The following FSIP2 variants were observed in gnomAD, a reference collection of about 807,000 sequenced individuals.
The protein encoded by FSIP2 is fibrous sheath interacting protein 2.
A neutral mutation model predicts 510.5 loss-of-function variants in FSIP2; 367 were observed. The observed-to-expected ratio is 0.72, with a 90% CI of 0.66 to 0.78. FSIP2 has a LOEUF of 0.78. Among genes scored for constraint, FSIP2 ranks in the 30% least tolerant of loss-of-function variants. The pLI, the probability that FSIP2 is intolerant of heterozygous loss-of-function variation, is 0.00. For synonymous variants in FSIP2, 2,601 were observed against 2,732.2 expected, an observed-to-expected ratio of 0.95 and a Z score of 1.50; for missense variants, 7,594 against 7,901.7, an observed-to-expected ratio of 0.96 and a Z score of 1.48.
rs765299511 is a variant in FSIP2, at chr2:185,800,773, T to C, written c.11467T>C (p.Leu3823=). The change falls in exon 17 of 23, where the codon TTG becomes CTG. Residue 3823 remains leucine (L), a synonymous_variant. Transcript: ENST00000424728. ...CLQVDYMSDL[L]ENVAEIDQDL... ...TCAAGTAGATTACATGTCAGACCTT[T>C]TGGAGAATGTGGCAGAAATTGATCA... The C allele has an allele frequency of 9.8e-6, 15 of 1,534,062 alleles. No homozygotes were observed. The highest frequency in any genetic ancestry group is 1.0e-5 in the Non-Finnish European group (12 of 1,145,600).
rs763232399 is a variant in FSIP2 at position 185,804,225 on chromosome 2, T to C, written c.14919T>C (p.Asn4973=). The change falls in exon 17 of 23, where the codon AAT becomes AAC. Residue 4973 remains asparagine (N), a synonymous_variant. Coordinates refer to ENST00000424728, the MANE Select transcript of FSIP2 (RefSeq NM_173651.4). ...CACATAACATGTTGGTTACTGAAAA[T>C]CCAGATAGAGTGAAACTGAAACTTA... ...AFSHNMLVTE[N]PDRVKLKLTR... is the part of the protein sequence containing the mutation. The C allele has an allele frequency of 6.6e-7, 1 of 1,524,380 alleles. No homozygotes were observed. The allele number at this position is 1,524,380 out of a possible 1,614,324, so 94.4% of individuals were successfully genotyped here.
intron 19 of FSIP2, among the ~76,000 whole-genome samples, chr2:185,818,639 A>G (rs552073928): frequency 6.6e-6 from 1 of 151,964 alleles, no homozygotes; most frequent in East Asian, 1.9e-4. Context: ...GTAACCTTAC[A>G]AGCCAAGAGG....
rs1254829641 is a variant in FSIP2, at chr2:185,789,762, G to A, written c.2626G>A (p.Glu876Lys). The A allele has an allele frequency of 6.5e-7, 1 of 1,534,366 alleles. No individual in the cohort carries two copies. The highest frequency in any genetic ancestry group is 8.7e-7 in the Non-Finnish European group (1 of 1,145,730). The change falls in exon 16 of 23, where the codon GAA becomes AAA. Residue 876 changes from glutamate to lysine, a missense_variant. Transcript: ENST00000424728. ...AGCTGGCAAAAATAAATCTAGTCTT[G>A]AATCTGATGAAGCTAGTTTAATTGT... is the stretch of plus-strand genomic sequence containing the variant. ...QRAGKNKSSLESDEASLIVNE... is the reference protein window; with the variant it reads ...QRAGKNKSSLKSDEASLIVNE...
chr2:185,803,102 C>G lies in FSIP2; in HGVS notation c.13796C>G (p.Ser4599Cys). Reference sequence around the variant, plus strand: ...CCATTTGTGAGTGGAAAATCATTATCTTCATCAGACACATATTTTGATGAT... The same window carrying G: ...CCATTTGTGAGTGGAAAATCATTATGTTCATCAGACACATATTTTGATGAT... Reference protein sequence around the residue: ...LQPFVSGKSLSSSDTYFDDER... With the variant: ...LQPFVSGKSLCSSDTYFDDER... Residue 4599 changes from serine to cysteine, a missense_variant, in exon 17 of 23, where the codon TCT becomes TGT. By Grantham distance (112) the Ser-to-Cys change is moderately radical. Coordinates refer to ENST00000424728, the MANE Select transcript of FSIP2 (RefSeq NM_173651.4). The G allele has an allele frequency of 2.0e-6, 3 of 1,516,154 alleles. No homozygotes were observed. Among genetic ancestry groups the G allele is most frequent in the Non-Finnish European group, 2.6e-6 (3 of 1,138,478 alleles). 93.9% of individuals were successfully genotyped at this position (1,516,154 alleles called of 1,614,324 possible). A position where few individuals can be genotyped will look rare whatever the true frequency, so the allele number is the denominator to read the frequency against.
In FSIP2 at chr2:185,747,353, CAGA is replaced by C. The variant is rs1408374092; in HGVS notation, c.804_806del (p.Glu268del). On this transcript the variant is annotated inframe_deletion, in exon 7 of 23. Transcript: ENST00000424728. ...GAGATGTTACTTCTGACAAGGATGGCAGAAGATGTTAAAAGAGAAGAGAGGATA... is the reference window on the plus strand; with the variant it reads ...GAGATGTTACTTCTGACAAGGATGGCAGATGTTAAAAGAGAAGAGAGGATA... The C allele has an allele frequency of 6.5e-7, 1 of 1,532,174 alleles. No individual in the cohort carries two copies. The highest frequency in any genetic ancestry group is 8.7e-7 in the Non-Finnish European group (1 of 1,143,512). 94.9% of individuals were successfully genotyped at this position (1,532,174 alleles called of 1,614,324 possible).
intron 1 of FSIP2, 114 bp from the exon 2 acceptor site, chr2:185,739,232 G>A (rs144597549): frequency 3.2e-6 from 4 of 1,259,320 alleles, no homozygotes; most frequent in East Asian, 2.7e-5. Flanking sequence ...AGGATGCCCC[G>A]AACCCTGATT....
rs961080776 is a variant in FSIP2, at chr2:185,794,001, T to C, written c.6865T>C (p.Leu2289=). 2.6e-6 allele frequency: 4 copies of C among 1,533,210 alleles called. No homozygotes were observed. The highest frequency in any genetic ancestry group is 1.4e-5 in the African/African-American group (1 of 72,866). The allele number at this position is 1,533,210 out of a possible 1,614,324, so 95.0% of individuals were successfully genotyped here. A position where few individuals can be genotyped will look rare whatever the true frequency, so the allele number is the denominator to read the frequency against. Residue 2289 remains leucine (L), a synonymous_variant, in exon 16 of 23, where the codon TTG becomes CTG. Coordinates refer to ENST00000424728, the MANE Select transcript of FSIP2 (RefSeq NM_173651.4). Reference sequence around the variant, plus strand: ...AGAAAAGTCATTTGTTATCCCAGAATTGGAAAATTGTAAACAAAATGACAG... The same window carrying C: ...AGAAAAGTCATTTGTTATCCCAGAACTGGAAAATTGTAAACAAAATGACAG... ...SKEKSFVIPE[L]ENCKQNDSIF...
Position 185,791,674 on chromosome 2 carries a change from CAG to C in FSIP2, c.4541_4542del (p.Glu1514ValfsTer3). On this transcript the variant is annotated frameshift_variant, in exon 16 of 23. Coordinates refer to ENST00000424728, the MANE Select transcript of FSIP2 (RefSeq NM_173651.4). LOFTEE classifies it high-confidence loss of function. ...GCAAGTTGTGGATTAAAAGCTATCT[CAG>C]AGTCTCTTGACATTGACAACCCATC... 6.5e-7 allele frequency: 1 copy of C among 1,534,198 alleles called. No individual in the cohort carries two copies. Among genetic ancestry groups the C allele is most frequent in the Non-Finnish European group, 8.7e-7 (1 of 1,145,578 alleles).
At chr2:185,761,897 T>C (rs968701556) in intron 10 of FSIP2, 75 bp from the exon 11 acceptor site, 2 of 762,452 alleles carry the variant, frequency 2.6e-6, no homozygotes, top group Non-Finnish European at 4.2e-6. Flanking sequence ...CATTGGTTAA[T>C]TGATAGAAGG....
At position 185,791,452 on chromosome 2, in the gene FSIP2, C is replaced by T; in HGVS notation, c.4316C>T (p.Thr1439Ile). Residue 1439 changes from threonine (T) to isoleucine (I), a missense_variant, in exon 16 of 23, where the codon ACA becomes ATA. Transcript: ENST00000424728. ...CAAGTGTTAGAAAGAATTGGGGAAA[C>T]ACTACATGAAATGTTAAGCAAGCTC... ...KLQVLERIGE[T>I]LHEMLSKLLG... The T allele has an allele frequency of 6.5e-7, 1 of 1,534,170 alleles. No individual in the cohort carries two copies. Among genetic ancestry groups the T allele is most frequent in the Non-Finnish European group, 8.7e-7 (1 of 1,145,586 alleles).
In FSIP2 at chr2:185,791,961, G is replaced by A; in HGVS notation, c.4825G>A (p.Asp1609Asn). The A allele has an allele frequency of 6.5e-7, 1 of 1,533,722 alleles. No individual in the cohort carries two copies. The highest frequency in any genetic ancestry group is 8.7e-7 in the Non-Finnish European group (1 of 1,145,260). Residue 1609 changes from aspartate to asparagine, a missense_variant, in exon 16 of 23, where the codon GAT (aspartate) becomes AAT (asparagine). By Grantham distance (23) the Asp-to-Asn change is conservative. Coordinates refer to ENST00000424728, the MANE Select transcript of FSIP2 (RefSeq NM_173651.4). ...TTTAGAAATTTTGGGTGCTATTAAT[G>A]ATGGAAATAAGAAAAGCAATAAGAT... ...GHLEILGAIN[D>N]GNKKSNKIGW...
chr2:185,802,756 G>C lies in FSIP2; in HGVS notation c.13450G>C (p.Ala4484Pro). 6.6e-7 allele frequency: 1 copy of C among 1,511,686 alleles called. No homozygotes were observed. Among genetic ancestry groups the C allele is most frequent in the East Asian group, 2.5e-5 (1 of 40,762 alleles). 93.6% of individuals were successfully genotyped at this position (1,511,686 alleles called of 1,614,324 possible). A position where few individuals can be genotyped will look rare whatever the true frequency, so the allele number is the denominator to read the frequency against. The change falls in exon 17 of 23, where the codon GCA (alanine) becomes CCA (proline). Residue 4484 changes from alanine (A) to proline (P), a missense_variant. Transcript: ENST00000424728. ...RVLLSKLFSSASSLVLNRDTQ... is the reference protein window; with the variant it reads ...RVLLSKLFSSPSSLVLNRDTQ... The stretch of plus-strand genomic sequence containing the variant: ...ACTATTATCTAAATTATTTTCTTCT[G>C]CATCTAGCCTGGTTCTAAACAGAGA...
In FSIP2 at chr2:185,813,902, A is replaced by G. The variant is rs1481848694; in HGVS notation, c.20185A>G (p.Ser6729Gly). The change falls in exon 18 of 23, where the codon AGT (serine) becomes GGT (glycine). Residue 6729 changes from serine (S) to glycine (G), a missense_variant. By Grantham distance (56) the Ser-to-Gly change is moderately conservative. Transcript: ENST00000424728. ...CQTTASANIE[S>G]TEAISNQVIE... is the part of the protein sequence containing the mutation. ...GACCACAGCCAGTGCAAATATTGAA[A>G]GTACTGAAGCAATCTCAAATCAGGT... The G allele has an allele frequency of 6.2e-7, 1 of 1,613,660 alleles. No homozygotes were observed. Among genetic ancestry groups the G allele is most frequent in the Admixed American group, 1.7e-5 (1 of 59,942 alleles).
Position 185,803,973 on chromosome 2 carries a change from C to T in FSIP2, c.14667C>T (p.Asp4889=). The T allele has an allele frequency of 6.7e-7, 1 of 1,498,110 alleles. No homozygotes were observed. 92.8% of individuals were successfully genotyped at this position (1,498,110 alleles called of 1,614,324 possible). A position where few individuals can be genotyped will look rare whatever the true frequency, so the allele number is the denominator to read the frequency against. Residue 4889 remains aspartate, a synonymous_variant, in exon 17 of 23, where the codon GAC becomes GAT. Coordinates refer to ENST00000424728, the MANE Select transcript of FSIP2 (RefSeq NM_173651.4). ...CAAAAGATAAAAAGAGCATAAGTGA[C>T]ATACCTGTTTCAAAAATAGCGAGTT... The part of the protein sequence containing the change: ...SITKDKKSIS[D]IPVSKIASFI...
rs1257457575 is a variant in FSIP2 at position 185,790,415 on chromosome 2, T to G, written c.3279T>G (p.Thr1093=). 6.5e-7 allele frequency: 1 copy of G among 1,530,426 alleles called. No individual in the cohort carries two copies. The highest frequency in any genetic ancestry group is 2.0e-5 in the Admixed American group (1 of 50,002). 94.8% of individuals were successfully genotyped at this position (1,530,426 alleles called of 1,614,324 possible). ...KKLSSNKDIS[T]FSQDQKHQIE... Reference sequence around the variant, plus strand: ...TTTCTTCGAATAAAGACATTTCAACTTTCAGCCAAGATCAAAAGCATCAAA... The same window carrying G: ...TTTCTTCGAATAAAGACATTTCAACGTTCAGCCAAGATCAAAAGCATCAAA... The change falls in exon 16 of 23, where the codon ACT becomes ACG. Residue 1093 remains threonine, a synonymous_variant. Transcript: ENST00000424728.
chr2:185,814,427 G>A (rs1428701475), intron 18 of FSIP2, among the ~76,000 whole-genome samples: 2 of 152,030 alleles, frequency 1.3e-5, no homozygotes, highest in Non-Finnish European at 2.9e-5. Context: ...GAGGTAGGAG[G>A]AACAAAATAA....
chr2:185,789,064 GT>G lies in FSIP2; in HGVS notation c.1929del (p.Cys643Ter). The G allele has an allele frequency of 6.5e-7, 1 of 1,534,556 alleles. No individual in the cohort carries two copies. Among genetic ancestry groups the G allele is most frequent in the South Asian group, 1.2e-5 (1 of 84,024 alleles). On this transcript the variant is annotated frameshift_variant, in exon 16 of 23. Transcript: ENST00000424728. LOFTEE classifies it high-confidence loss of function. ...TATTCATACCCTAAGCTCAGAAGTTGTAAATCAGATAGTCACCTTTTAGCAT... is the reference window on the plus strand; with the variant it reads ...TATTCATACCCTAAGCTCAGAAGTTGAAATCAGATAGTCACCTTTTAGCAT... ...LLYSYPKLRSCKSDSHLLASF... is the reference protein window; with the variant it reads ...LLYSYPKLRSXKSDSHLLASF...
intron 13 of FSIP2, among the ~76,000 whole-genome samples, chr2:185,769,528 G>T (rs991477105): frequency 2.6e-5 from 4 of 151,880 alleles, no homozygotes; most frequent in African/African-American, 9.7e-5. Flanking sequence ...TTAGACTCTT[G>T]CCAGATGCAT....
In FSIP2 at chr2:185,794,993, T is replaced by G. The variant is rs1391511728; in HGVS notation, c.7857T>G (p.Thr2619=). The G allele has an allele frequency of 3.3e-6, 5 of 1,533,726 alleles. No individual in the cohort carries two copies. Among genetic ancestry groups the G allele is most frequent in the Admixed American group, 2.0e-5 (1 of 50,754 alleles). The change falls in exon 16 of 23, where the codon ACT becomes ACG. Residue 2619 remains threonine (T), a synonymous_variant. Coordinates refer to ENST00000424728, the MANE Select transcript of FSIP2 (RefSeq NM_173651.4). ...AAAATATCTCTGTGATGGAAAACACTCTTTTGCCATATTTACCATTGCAAG... is the reference window on the plus strand; with the variant it reads ...AAAATATCTCTGTGATGGAAAACACGCTTTTGCCATATTTACCATTGCAAG... The part of the protein sequence containing the change: ...DSQNISVMEN[T]LLPYLPLQVK...
Sources: allele counts gnomAD v4.1 joint callset (sites outside exome capture counted in the v4.1 genomes callset), GRCh38; gene constraint gnomAD v4.1.1; transcripts MANE v1.5; gene names NCBI Gene and HGNC (gene_info 2026-07-23, HGNC 2026-07-21).